The following SETDB1 variants were observed in gnomAD, a reference collection of about 807,000 sequenced individuals.
SETDB1 encodes SET domain bifurcated histone lysine methyltransferase 1, also known as histone-lysine N-methyltransferase SETDB1.
Under a neutral mutation model 137.4 loss-of-function variants are expected in SETDB1, and 31 were observed. That is an observed-to-expected ratio of 0.23 (90% CI 0.17 to 0.30). The LOEUF is 0.30. Ranked by LOEUF, SETDB1 falls within the 10% of genes least tolerant of loss-of-function variation. The pLI is 1.00. For missense variants in SETDB1, 1,113 were observed against 1,631.5 expected (o/e 0.68, Z 5.47); for synonymous variants, 548 against 579.9 (o/e 0.95, Z 0.79).
At position 150,962,167 on chromosome 1, in the gene SETDB1, C is replaced by T. The variant is rs587743230; in HGVS notation, c.3161+9C>T. 260 of 1,613,486 alleles carry T rather than the reference C, an allele frequency of 1.6e-4. 4 individuals carry two copies. In the South Asian group the frequency reaches 2.6e-3, roughly 16 times the overall value. On this transcript the variant is annotated intron_variant, in intron 17 of 21. Transcript: ENST00000692827. Reference sequence around the variant, plus strand: ...CGAAACAAGATGTCAGTGTAAGTGCCTTTTGTTTTGTTTTGTTTTGAGACA... The same window carrying T: ...CGAAACAAGATGTCAGTGTAAGTGCTTTTTGTTTTGTTTTGTTTTGAGACA...
rs1403110232 is a variant in SETDB1, at chr1:150,949,168, G to C, written c.1314G>C (p.Leu438=). ...KGPVVQYTQD[L]TGTGTQFKPV... ...CTGTTGTCCAGTACACACAGGATCT[G>C]ACCGGTACTGGAACCCAGTTCAAGC... Residue 438 remains leucine, a synonymous_variant, in exon 11 of 22, where the codon CTG becomes CTC. Coordinates refer to ENST00000692827, the MANE Select transcript of SETDB1 (RefSeq NM_001366418.1). 1 of 1,613,904 alleles carries C rather than the reference G, an allele frequency of 6.2e-7. No individual in the cohort carries two copies. Among genetic ancestry groups the C allele is most frequent in the African/African-American group, 1.3e-5 (1 of 74,856 alleles).
chr1:150,941,727 C>T (rs1433872383), intron 5 of SETDB1, among the ~76,000 whole-genome samples: 3 of 152,010 alleles, frequency 2.0e-5, no homozygotes, highest in South Asian at 2.1e-4. Flanking sequence ...TGTGGTGGCT[C>T]ATATCTGTAA....
intron 1 of SETDB1, chr1:150,926,780 G>A (rs1669537551): frequency 1.9e-6 from 1 of 533,356 alleles, no homozygotes; most frequent in African/African-American, 1.9e-5. Flanking sequence ...TCACACGAAT[G>A]TGTGAAGTAT....
rs1304474850 is a variant in SETDB1 at position 150,963,126 on chromosome 1, G to C, written c.3447G>C (p.Lys1149Asn). The change falls in exon 19 of 22, where the codon AAG (lysine) becomes AAC (asparagine). Residue 1149 changes from lysine to asparagine, a missense_variant. Lys to Asn is a moderately conservative substitution (Grantham distance 94). Transcript: ENST00000692827. ...SGSEGDDFED[K>N]KNMTGPMKRQ... ...CTGAAGGGGATGACTTTGAGGACAAGAAGAACATGACTGGTAGCCTGGAAA... is the reference window on the plus strand; with the variant it reads ...CTGAAGGGGATGACTTTGAGGACAACAAGAACATGACTGGTAGCCTGGAAA... 6.2e-7 allele frequency: 1 copy of C among 1,613,532 alleles called. No homozygotes were observed. Among genetic ancestry groups the C allele is most frequent in the Non-Finnish European group, 8.5e-7 (1 of 1,179,582 alleles).
chr1:150,945,151 G>A (rs1354352477), intron 9 of SETDB1, 43 bp downstream of exon 9: 1 of 1,611,822 alleles, frequency 6.2e-7, no homozygotes, highest in South Asian at 1.1e-5. Context: ...GGTTGGTGGG[G>A]GGGGAACTTA....
Position 150,949,170 on chromosome 1 carries a change from C to T in SETDB1, c.1316C>T (p.Thr439Ile). Residue 439 changes from threonine to isoleucine, a missense_variant, in exon 11 of 22, where the codon ACC becomes ATC. By Grantham distance (89) the Thr-to-Ile change is moderately conservative. Coordinates refer to ENST00000692827, the MANE Select transcript of SETDB1 (RefSeq NM_001366418.1). ...GTTGTCCAGTACACACAGGATCTGA[C>T]CGGTACTGGAACCCAGTTCAAGCCA... is the stretch of plus-strand genomic sequence containing the variant. ...GPVVQYTQDL[T>I]GTGTQFKPVE... 2 of 1,614,008 alleles carry T rather than the reference C, an allele frequency of 1.2e-6. No individual in the cohort carries two copies. Among genetic ancestry groups the T allele is most frequent in the Non-Finnish European group, 1.7e-6 (2 of 1,179,976 alleles).
Position 150,964,582 on chromosome 1 carries a change from T to C in SETDB1, c.*218T>C. 5 of 692,730 alleles carry C rather than the reference T, an allele frequency of 7.2e-6. No individual in the cohort carries two copies. The highest frequency in any genetic ancestry group is 6.0e-5 in the South Asian group (4 of 66,610). 42.9% of individuals were successfully genotyped at this position (692,730 alleles called of 1,614,324 possible). On this transcript the variant is annotated 3_prime_UTR_variant, in exon 22 of 22. Coordinates refer to ENST00000692827, the MANE Select transcript of SETDB1 (RefSeq NM_001366418.1). Reference sequence around the variant, plus strand: ...AAAGGCCCTAAAGGGTGGGGAGAGATCACCACTCTAACCTCGGCCTGACAT... The same window carrying C: ...AAAGGCCCTAAAGGGTGGGGAGAGACCACCACTCTAACCTCGGCCTGACAT...
At chr1:150,958,541 C>T (rs587618400) in intron 14 of SETDB1, among the ~76,000 whole-genome samples, 9 of 150,462 alleles carry the variant, frequency 6.0e-5, no homozygotes, top group African/African-American at 2.0e-4. Context: ...TGAGCCACCA[C>T]GCCCAGCACG....
At chr1:150,949,960 G>A (rs1670446859) in intron 12 of SETDB1, among the ~76,000 whole-genome samples, 1 of 152,296 alleles carries the variant, frequency 6.6e-6, no homozygotes, top group South Asian at 2.1e-4. Context: ...TAGGCCGGGC[G>A]CGGTGGCTCA....
In SETDB1 at chr1:150,927,856, C is replaced by G. The variant is rs1293968320; in HGVS notation, c.142C>G (p.Leu48Val). The change falls in exon 2 of 22, where the codon CTG (leucine) becomes GTG (valine). Residue 48 changes from leucine to valine, a missense_variant. By Grantham distance (32) the Leu-to-Val change is conservative. This residue lies in a region of SETDB1 where 159 missense variants were observed against 188.6 expected (regional missense o/e 0.84). Transcript: ENST00000692827. ...ACTTCGGCATTTCATCGATGAGGAA[C>G]TGGAGAAGATGGATTGTGTACAGCA... ...EELRHFIDEE[L>V]EKMDCVQQRK... 6.2e-7 allele frequency: 1 copy of G among 1,614,126 alleles called. No homozygotes were observed. The highest frequency in any genetic ancestry group is 2.2e-5 in the East Asian group (1 of 44,880).
intron 3 of SETDB1, among the ~76,000 whole-genome samples, chr1:150,937,496 C>T (rs943731752): frequency 2.0e-5 from 3 of 152,046 alleles, no homozygotes; most frequent in Non-Finnish European, 2.9e-5. Flanking sequence ...GTTTTGCTTA[C>T]GGTCCTGGCT....
At position 150,963,608 on chromosome 1, in the gene SETDB1, C is replaced by T; in HGVS notation, c.3539C>T (p.Ser1180Leu). ...TCAACCCATGGGATTGCAATTAAAT[C>T]AACCAACATGGCCTCTGTGGACAAG... The part of the protein sequence containing the change: ...LKSTHGIAIK[S>L]TNMASVDKGE... Residue 1180 changes from serine to leucine, a missense_variant, in exon 20 of 22, where the codon TCA becomes TTA. By Grantham distance (145) the Ser-to-Leu change is moderately radical. Coordinates refer to ENST00000692827, the MANE Select transcript of SETDB1 (RefSeq NM_001366418.1). 2.5e-6 allele frequency: 4 copies of T among 1,614,164 alleles called. No homozygotes were observed. Among genetic ancestry groups the T allele is most frequent in the East Asian group, 2.2e-5 (1 of 44,880 alleles).
chr1:150,948,896 T>C (rs7522741), intron 10 of SETDB1, among the ~76,000 whole-genome samples: 10,918 of 149,502 alleles, frequency 0.073, 1,335 homozygotes, highest in African/African-American at 0.25. Flanking sequence ...TTTTTGTATT[T>C]TTAGTAGAGA....
In SETDB1 at chr1:150,962,597, A is replaced by C. The variant is rs1670856042; in HGVS notation, c.3172A>C (p.Ser1058Arg). 5.6e-6 allele frequency: 9 copies of C among 1,614,112 alleles called. No homozygotes were observed. The East Asian group carries it at 2.0e-4, about 36-fold the overall frequency. ...TTCCCCTCCCATTAGAGTTACTGAA[A>C]GCTCTCGAAATTACGGTTACAATCC... ...DRNKMSVVTE[S>R]SRNYGYNPSP... The change falls in exon 18 of 22, where the codon AGC becomes CGC. Residue 1058 changes from serine (S) to arginine (R), a missense_variant. Ser to Arg is a moderately radical substitution (Grantham distance 110). Coordinates refer to ENST00000692827, the MANE Select transcript of SETDB1 (RefSeq NM_001366418.1).
intron 3 of SETDB1, among the ~76,000 whole-genome samples, chr1:150,935,176 C>T (rs948578676): frequency 5.9e-5 from 9 of 152,214 alleles, no homozygotes; most frequent in African/African-American, 1.2e-4. Context: ...ACTTCAAATA[C>T]GCCATCCCTG....
intron 14 of SETDB1, among the ~76,000 whole-genome samples, chr1:150,953,979 C>T (rs587623341): frequency 1.6e-4 from 25 of 151,894 alleles, no homozygotes; most frequent in African/African-American, 5.3e-4. Context: ...CTCAGCCTCC[C>T]GAGAAGCTGG....
chr1:150,944,259 A>G (rs1357260876), intron 8 of SETDB1, among the ~76,000 whole-genome samples: 2 of 152,110 alleles, frequency 1.3e-5, no homozygotes, highest in East Asian at 3.8e-4. Flanking sequence ...CACGTTATAG[A>G]TGTGCTTCAA....
intron 10 of SETDB1, among the ~76,000 whole-genome samples, chr1:150,948,308 T>C (rs1297777215): frequency 6.6e-6 from 1 of 151,650 alleles, no homozygotes; most frequent in African/African-American, 2.4e-5. Context: ...TCTGGTTCTT[T>C]TGCCCAGGCT....
intron 3 of SETDB1, among the ~76,000 whole-genome samples, chr1:150,935,636 G>A (rs587702961): frequency 1.3e-5 from 2 of 152,096 alleles, no homozygotes; most frequent in South Asian, 2.1e-4. Flanking sequence ...CTGCCACTTA[G>A]CCCCTCTAAT....
Sources: gnomAD v4.1 joint callset for allele counts (sites outside exome capture counted in the v4.1 genomes callset) on GRCh38, gnomAD v4.1.1 for gene constraint, gnomAD v4.1.1 regional missense constraint, MANE v1.5 for transcripts, NCBI Gene and HGNC (gene_info 2026-07-23, HGNC 2026-07-21) for gene names.